Variants in PTPRK observed in about 807,000 individuals in gnomAD.
The protein encoded by PTPRK is receptor-type tyrosine-protein phosphatase kappa.
PTPRK carries 75 observed loss-of-function variants against 178.0 expected under a neutral mutation model. The ratio of observed to expected loss-of-function variants is 0.42; its 90% CI spans 0.35 to 0.51. PTPRK has a LOEUF of 0.51. PTPRK is among the 20% of genes least tolerant of loss of function. PTPRK has a pLI of 0.02. For missense variants in PTPRK, 1,441 were observed against 1,797.8 expected (o/e 0.80, Z 3.59); for synonymous variants, 637 against 620.6 (o/e 1.03, Z -0.39).
At chr6:128,297,242 AC>A (rs1436384197) in intron 3 of PTPRK, among the ~76,000 whole-genome samples, 4 of 152,122 alleles carry the variant, frequency 2.6e-5, no homozygotes, top group Non-Finnish European at 4.4e-5. Context: ...TGAGTGACCT[AC>A]AAAGAGACTT....
rs1267147566 is a variant in PTPRK at position 127,983,105 on chromosome 6, A to G, written c.3388-125T>C. On this transcript the variant is annotated intron_variant, in intron 23 of 29. Transcript: ENST00000368226. ...TGAATTAAAACACCAATATTTTTCT[A>G]TATGACTCAGCTAATATTGATTACA... 3 of 1,294,486 alleles carry G rather than the reference A, an allele frequency of 2.3e-6. No individual in the cohort carries two copies. In the African/African-American group the frequency reaches 4.5e-5, roughly 19 times the overall value. The allele number at this position is 1,294,486 out of a possible 1,614,324, so 80.2% of individuals were successfully genotyped here.
chr6:128,128,408 T>C (rs759001334), intron 7 of PTPRK, among the ~76,000 whole-genome samples: 31 of 152,176 alleles, frequency 2.0e-4, no homozygotes, highest in Non-Finnish European at 3.5e-4. Context: ...TTTTTCCTCA[T>C]TGGTTTACCA....
chr6:128,156,505 G>T (rs2114585177), intron 7 of PTPRK, among the ~76,000 whole-genome samples: 1 of 151,992 alleles, frequency 6.6e-6, no homozygotes, highest in East Asian at 1.9e-4. Context: ...GACAGTGAAG[G>T]TGGAAGTGCC....
At chr6:128,001,179 C>A in intron 15 of PTPRK, 2 of 1,516,192 alleles carry the variant, frequency 1.3e-6, no homozygotes, top group East Asian at 2.5e-5. Flanking sequence ...TTCTAGAGTT[C>A]TTTGCAATAC....
chr6:128,206,565 T>C (rs182543074), intron 6 of PTPRK, among the ~76,000 whole-genome samples: 13 of 152,248 alleles, frequency 8.5e-5, no homozygotes, highest in African/African-American at 2.9e-4. Flanking sequence ...CTTAAAAATA[T>C]ATAGGCAGAT....
chr6:128,034,829 G>A (rs1421634866), intron 13 of PTPRK, among the ~76,000 whole-genome samples: 1 of 152,112 alleles, frequency 6.6e-6, no homozygotes, highest in Admixed American at 6.5e-5. Context: ...ATAAATACGT[G>A]TGGATTGTGT....
At chr6:128,081,383 G>A (rs1784789397) in intron 10 of PTPRK, among the ~76,000 whole-genome samples, 1 of 151,894 alleles carries the variant, frequency 6.6e-6, no homozygotes, top group Admixed American at 6.6e-5. Flanking sequence ...TAATGGAATA[G>A]CTAATTTTAT....
intron 3 of PTPRK, among the ~76,000 whole-genome samples, chr6:128,316,911 A>T (rs900613490): frequency 6.6e-6 from 1 of 151,804 alleles, no homozygotes; most frequent in South Asian, 2.1e-4. Flanking sequence ...TCAAGAAAAC[A>T]ATGACTATAA....
At chr6:128,248,474 A>AT (rs2128287732) in intron 3 of PTPRK, among the ~76,000 whole-genome samples, 1 of 152,308 alleles carries the variant, frequency 6.6e-6, no homozygotes, top group East Asian at 1.9e-4. Flanking sequence ...AAATGAAAAA[A>AT]ATATATTTAA....
chr6:128,214,099 T>A (rs1808767726), intron 6 of PTPRK, among the ~76,000 whole-genome samples: 1 of 152,168 alleles, frequency 6.6e-6, no homozygotes. Flanking sequence ...GTAAATATTG[T>A]GCTAGGTGCT....
chr6:128,257,370 A>G (rs1279535766), intron 3 of PTPRK, among the ~76,000 whole-genome samples: 2 of 152,110 alleles, frequency 1.3e-5, no homozygotes, highest in African/African-American at 2.4e-5. Context: ...AAAGGGTTCT[A>G]CATGAGGGAT....
chr6:128,153,394 A>T (rs2114570690), intron 7 of PTPRK, among the ~76,000 whole-genome samples: 1 of 152,110 alleles, frequency 6.6e-6, no homozygotes, highest in African/African-American at 2.4e-5. Context: ...TAAGAAAAGT[A>T]ATTTAATCTA....
chr6:128,197,183 T>C (rs1403948967), intron 6 of PTPRK, among the ~76,000 whole-genome samples: 9 of 39,550 alleles, frequency 2.3e-4, no homozygotes, highest in African/African-American at 8.1e-4. Flanking sequence ...TTTGTTTTTT[T>C]CTTTTTTTTT....
At chr6:128,160,970 C>T (rs2114604746) in intron 7 of PTPRK, among the ~76,000 whole-genome samples, 1 of 151,462 alleles carries the variant, frequency 6.6e-6, no homozygotes, top group African/African-American at 2.4e-5. Context: ...GTGAGTACAC[C>T]TCCATCTGCT....
chr6:127,988,459 A>G (rs1054865989), intron 21 of PTPRK, among the ~76,000 whole-genome samples: 9 of 151,952 alleles, frequency 5.9e-5, no homozygotes, highest in South Asian at 2.1e-4. Flanking sequence ...TAAAACATAG[A>G]TATTAGCTAT....
intron 1 of PTPRK, among the ~76,000 whole-genome samples, chr6:128,416,107 T>C (rs560720593): frequency 6.6e-6 from 1 of 152,118 alleles, no homozygotes; most frequent in African/African-American, 2.4e-5. Context: ...ATAATTACAG[T>C]ATGAGAAATA....
At chr6:128,374,846 C>A (rs1005253532) in intron 2 of PTPRK, among the ~76,000 whole-genome samples, 30 of 151,972 alleles carry the variant, frequency 2.0e-4, no homozygotes, top group Non-Finnish European at 3.1e-4. Flanking sequence ...TATTACTACT[C>A]TGACTTTATC....
At chr6:128,451,005 A>C (rs568349335) in intron 1 of PTPRK, among the ~76,000 whole-genome samples, 1 of 152,280 alleles carries the variant, frequency 6.6e-6, no homozygotes, top group African/African-American at 2.4e-5. Flanking sequence ...CCAACGTTTA[A>C]AATGAGAAAA....
At chr6:128,014,376 T>G (rs1251165709) in intron 13 of PTPRK, among the ~76,000 whole-genome samples, 1 of 151,644 alleles carries the variant, frequency 6.6e-6, no homozygotes, top group Non-Finnish European at 1.5e-5. Context: ...GACCCTGTTT[T>G]GATTCTTAGT....
Sources: allele counts gnomAD v4.1 joint callset (sites outside exome capture counted in the v4.1 genomes callset), GRCh38; gene constraint gnomAD v4.1.1; transcripts MANE v1.5; gene names NCBI Gene and HGNC (gene_info 2026-07-23, HGNC 2026-07-21).